Variants in COL22A1 observed in about 807,000 individuals in gnomAD.
COL22A1 encodes the protein collagen alpha-1(XXII) chain.
Under a neutral mutation model 248.9 loss-of-function variants are expected in COL22A1, and 221 were observed. That is an observed-to-expected ratio of 0.89 (90% CI 0.80 to 0.99). The LOEUF is 0.99. COL22A1 is among the 50% of genes least tolerant of loss of function. The pLI is 0.00. For missense variants in COL22A1, 2,240 were observed against 2,179.0 expected, an observed-to-expected ratio of 1.03 and a Z score of -0.56; for synonymous variants, 891 against 793.4, an observed-to-expected ratio of 1.12 and a Z score of -2.07.
chr8:138,752,291 G>A (rs1163543129), intron 21 of COL22A1, among the ~76,000 whole-genome samples: 9 of 152,302 alleles, frequency 5.9e-5, no homozygotes, highest in Non-Finnish European at 1.3e-4. Flanking sequence ...ACTTCTGGGT[G>A]AATTTGGCCA....
chr8:138,676,414 A>AAAGAAAGG (rs1825520117), intron 41 of COL22A1, 144 bp downstream of exon 41: 1 of 138,732 alleles, frequency 7.2e-6, no homozygotes, highest in African/African-American at 3.2e-4. Context: ...AAAGAAAGAA[A>AAAGAAAGG]AAGAAAGAAA....
intron 11 of COL22A1, among the ~76,000 whole-genome samples, chr8:138,802,470 A>T (rs1817080263): frequency 6.6e-6 from 1 of 151,886 alleles, no homozygotes; most frequent in South Asian, 2.1e-4. Flanking sequence ...AGGAATGATG[A>T]GAACTCATGA....
intron 24 of COL22A1, 35 bp from the exon 25 acceptor site, chr8:138,724,703 C>A (rs201177590): frequency 5.0e-6 from 8 of 1,600,614 alleles, no homozygotes; most frequent in Non-Finnish European, 6.9e-6. Flanking sequence ...GTTAGCCTGG[C>A]CTGTTCAGAG....
At chr8:138,674,244 A>G (rs969298030) in intron 41 of COL22A1, among the ~76,000 whole-genome samples, 3 of 152,206 alleles carry the variant, frequency 2.0e-5, no homozygotes, top group African/African-American at 7.2e-5. Flanking sequence ...GAGGCCCAGC[A>G]CAAGATATGA....
At chr8:138,755,873 C>CAGAAGGTGGCA in intron 18 of COL22A1, 44 bp from the exon 19 acceptor site, 1 of 1,567,388 alleles carries the variant, frequency 6.4e-7, no homozygotes, top group Non-Finnish European at 8.8e-7. Context: ...ACTGGTGCCA[C>CAGAAGGTGGCA]CTTCTGTGGC....
chr8:138,801,657 G>A (rs756457753), intron 11 of COL22A1, among the ~76,000 whole-genome samples: 20 of 152,130 alleles, frequency 1.3e-4, no homozygotes, highest in Admixed American at 2.0e-4. Context: ...AGGCCGAGGC[G>A]TACCTGAGGT....
At chr8:138,905,909 G>A (rs1250950726) in intron 1 of COL22A1, among the ~76,000 whole-genome samples, 4 of 152,040 alleles carry the variant, frequency 2.6e-5, no homozygotes, top group Non-Finnish European at 4.4e-5. Flanking sequence ...TGTTACCTCA[G>A]AATTTATTTT....
At chr8:138,636,365 G>A (rs1409708090) in intron 48 of COL22A1, among the ~76,000 whole-genome samples, 32 of 151,746 alleles carry the variant, frequency 2.1e-4, no homozygotes, top group Non-Finnish European at 4.4e-5. Flanking sequence ...AGAGAGCCAG[G>A]CAACAGTTAA....
intron 1 of COL22A1, among the ~76,000 whole-genome samples, chr8:138,895,925 A>G (rs1454985779): frequency 6.6e-6 from 1 of 152,188 alleles, no homozygotes; most frequent in Non-Finnish European, 1.5e-5. Flanking sequence ...GAAGTGACAC[A>G]TTGTCTATAG....
chr8:138,731,589 G>T (rs775463391), intron 23 of COL22A1, among the ~76,000 whole-genome samples: 1 of 151,978 alleles, frequency 6.6e-6, no homozygotes, highest in South Asian at 2.1e-4. Context: ...TTGCTGTGGG[G>T]CATGATGGAT....
At chr8:138,681,839 A>G (rs1359872828) in intron 39 of COL22A1, among the ~76,000 whole-genome samples, 2 of 152,214 alleles carry the variant, frequency 1.3e-5, no homozygotes, top group Non-Finnish European at 2.9e-5. Flanking sequence ...ATATCACACA[A>G]AAACATTTTC....
intron 4 of COL22A1, among the ~76,000 whole-genome samples, chr8:138,843,829 A>C (rs886160153): frequency 2.0e-5 from 3 of 152,200 alleles, no homozygotes; most frequent in African/African-American, 7.2e-5. Flanking sequence ...ATTCATTCTC[A>C]TGCATTATTG....
chr8:138,787,116 T>C (rs1216608162), intron 12 of COL22A1, among the ~76,000 whole-genome samples: 4 of 152,126 alleles, frequency 2.6e-5, no homozygotes, highest in Admixed American at 6.5e-5. Flanking sequence ...TATCTCTTGA[T>C]AACTAAGAAC....
At chr8:138,691,417 G>A (rs537431248) in intron 35 of COL22A1, among the ~76,000 whole-genome samples, 21 of 150,304 alleles carry the variant, frequency 1.4e-4, no homozygotes, top group Middle Eastern at 3.5e-3. Context: ...ATGTGTGCAC[G>A]TCCATGTGTG....
Position 138,761,430 on chromosome 8 carries a change from G to A in COL22A1, c.1857+983C>T, listed in dbSNP as rs548778868. Among the ~76,000 whole-genome samples, 533 of 152,186 alleles carry A rather than the reference G, an allele frequency of 3.5e-3. 3 individuals carry two copies. Among genetic ancestry groups the A allele is most frequent in the Non-Finnish European group, 4.1e-3 (277 of 67,996 alleles). On this transcript the variant is annotated intron_variant, in intron 17 of 64. Coordinates refer to ENST00000303045, the MANE Select transcript of COL22A1 (RefSeq NM_152888.3). The stretch of plus-strand genomic sequence containing the variant: ...ATGATACAATGTTGAAGGAAGAAAA[G>A]CAAGATATAAAAAGTATGATTCCAA...
intron 30 of COL22A1, among the ~76,000 whole-genome samples, chr8:138,715,106 G>A (rs1048926866): frequency 6.6e-6 from 1 of 152,192 alleles, no homozygotes; most frequent in Non-Finnish European, 1.5e-5. Context: ...GTGGATGGAC[G>A]GATGGATAGT....
At chr8:138,590,636 C>A (rs919930703) in intron 64 of COL22A1, among the ~76,000 whole-genome samples, 3 of 151,990 alleles carry the variant, frequency 2.0e-5, no homozygotes, top group Non-Finnish European at 4.4e-5. Context: ...ATACTAAAAT[C>A]GAAATTCTCT....
chr8:138,803,976 C>T (rs967807900), intron 10 of COL22A1, among the ~76,000 whole-genome samples: 1 of 152,184 alleles, frequency 6.6e-6, no homozygotes, highest in Admixed American at 6.5e-5. Flanking sequence ...TCAGGGCTGT[C>T]AGCAGAAAGG....
At chr8:138,755,733 C>T in intron 19 of COL22A1, 52 bp downstream of exon 19, 1 of 1,584,352 alleles carries the variant, frequency 6.3e-7, no homozygotes, top group South Asian at 1.1e-5. Flanking sequence ...CTCATCCAAC[C>T]ACCCAATCCC....
Sources: gnomAD v4.1 joint callset for allele counts (sites outside exome capture counted in the v4.1 genomes callset) on GRCh38, gnomAD v4.1.1 for gene constraint, MANE v1.5 for transcripts, NCBI Gene and HGNC (gene_info 2026-07-23, HGNC 2026-07-21) for gene names.